Variants in SLITRK5 observed in about 807,000 individuals in gnomAD.
SLITRK5 encodes the protein SLIT and NTRK like family member 5, also known as SLIT and NTRK-like protein 5.
Under a neutral mutation model 56.2 loss-of-function variants are expected in SLITRK5, and 23 were observed. The ratio of observed to expected loss-of-function variants is 0.41; its 90% CI spans 0.29 to 0.58. The LOEUF (loss-of-function observed/expected upper bound fraction) is 0.58. SLITRK5 is among the 20% of genes least tolerant of loss of function. The probability of loss-of-function intolerance (pLI) is 0.30; values close to 1 mark genes in which losing one functional copy is unlikely to be tolerated. For synonymous variants in SLITRK5, 637 were observed against 531.8 expected (o/e 1.20, Z -2.72); for missense variants, 1,289 against 1,226.6 (o/e 1.05, Z -0.76).
chr13:87,679,177 C>T lies in SLITRK5; in HGVS notation c.*912C>T, dbSNP rs993303608. 2 of 166,908 alleles carry T rather than the reference C, an allele frequency of 1.2e-5. No individual in the cohort carries two copies. The highest frequency in any genetic ancestry group is 2.9e-5 in the Non-Finnish European group (2 of 68,106). The allele number at this position is 166,908 out of a possible 1,614,324, so 10.3% of individuals were successfully genotyped here. ...AATCTTTAAAAGCCAATGCAACCCACCCAATTGAATCTGCATTTTCTTTTA... is the reference window on the plus strand; with the variant it reads ...AATCTTTAAAAGCCAATGCAACCCATCCAATTGAATCTGCATTTTCTTTTA... On this transcript the variant is annotated 3_prime_UTR_variant, in exon 2 of 2. Transcript: ENST00000683689.
At chr13:87,673,960 T>C (rs1877156870) in intron 1 of SLITRK5, among the ~76,000 whole-genome samples, 1 of 151,738 alleles carries the variant, frequency 6.6e-6, no homozygotes, top group African/African-American at 2.4e-5. Context: ...CTATCAAATG[T>C]CCTCCACCCC....
chr13:87,676,481 C>G lies in SLITRK5; in HGVS notation c.1093C>G (p.Gln365Glu). 6.2e-7 allele frequency: 1 copy of G among 1,614,102 alleles called. No homozygotes were observed. The highest frequency in any genetic ancestry group is 1.7e-5 in the Admixed American group (1 of 60,020). Residue 365 changes from glutamine to glutamate, a missense_variant, in exon 2 of 2, where the codon CAG becomes GAG. Around this residue, in one of 3 missense-constraint regions of SLITRK5, gnomAD observed 985 missense variants for 906.0 expected, o/e 1.09. Coordinates refer to ENST00000683689, the MANE Select transcript of SLITRK5 (RefSeq NM_001384609.1). ...CAACTATGGCCCCAGCATCGCCTAT[C>G]AGACCAAATCCCCGGTGCCTTTGGA... ...YSNYGPSIAY[Q>E]TKSPVPLECP...
chr13:87,675,308 G>A (rs1877223054), intron 1 of SLITRK5, 73 bp from the exon 2 acceptor site: 1 of 1,064,556 alleles, frequency 9.4e-7, no homozygotes, highest in Non-Finnish European at 1.4e-6. Flanking sequence ...TTAAGAAAGA[G>A]AGAGACTTTC....
In SLITRK5 at chr13:87,678,214, G is replaced by T. The variant is rs747858545; in HGVS notation, c.2826G>T (p.Glu942Asp). Residue 942 changes from glutamate to aspartate, a missense_variant, in exon 2 of 2, where the codon GAG becomes GAT. By Grantham distance (45) the Glu-to-Asp change is conservative. Coordinates refer to ENST00000683689, the MANE Select transcript of SLITRK5 (RefSeq NM_001384609.1). Reference sequence around the variant, plus strand: ...AGTTAAAAGCAAAACTAAACGTTGAGCCGGACTACCTCGAAGTGCTGGAAA... The same window carrying T: ...AGTTAAAAGCAAAACTAAACGTTGATCCGGACTACCTCGAAGTGCTGGAAA... ...YLELKAKLNV[E>D]PDYLEVLEKQ... 12 of 1,614,154 alleles carry T rather than the reference G, an allele frequency of 7.4e-6. No individual in the cohort carries two copies. The South Asian group carries it at 1.3e-4, about 18-fold the overall frequency.
chr13:87,676,270 G>A lies in SLITRK5; in HGVS notation c.882G>A (p.Met294Ile). 6.2e-7 allele frequency: 1 copy of A among 1,614,128 alleles called. No homozygotes were observed. The highest frequency in any genetic ancestry group is 8.5e-7 in the Non-Finnish European group (1 of 1,180,026). Residue 294 changes from methionine to isoleucine, a missense_variant, in exon 2 of 2, where the codon ATG becomes ATA. Coordinates refer to ENST00000683689, the MANE Select transcript of SLITRK5 (RefSeq NM_001384609.1). ...CPRRLISDYE[M>I]RPQTPLSTTG... ...GGAGACTTATTTCTGACTACGAGAT[G>A]AGGCCGCAGACGCCTTTGAGCACCA... is the stretch of plus-strand genomic sequence containing the variant.
chr13:87,677,004 A>G lies in SLITRK5; in HGVS notation c.1616A>G (p.His539Arg). ...CTCAGGCTAAACCTGAGGAGTAACC[A>G]CTTCACCTCCTTGCCAGTGAGTGGA... ...TLLRLNLRSN[H>R]FTSLPVSGVL... The change falls in exon 2 of 2, where the codon CAC becomes CGC. Residue 539 changes from histidine to arginine, a missense_variant. Transcript: ENST00000683689. This position sits in a 1 kb window ranked among gnomAD's most constrained non-coding sequence, Gnocchi z 4.7. The G allele has an allele frequency of 6.2e-7, 1 of 1,613,800 alleles. No homozygotes were observed. Among genetic ancestry groups the G allele is most frequent in the Non-Finnish European group, 8.5e-7 (1 of 1,179,948 alleles).
Position 87,677,803 on chromosome 13 carries a change from ACAGCAGCAGCCCCCGCCG to A in SLITRK5, c.2420_2437del (p.Gln807_Gln812del), listed in dbSNP as rs1877359884. The A allele has an allele frequency of 4.3e-6, 7 of 1,609,382 alleles. No individual in the cohort carries two copies. In the East Asian group the frequency reaches 1.6e-4, roughly 36 times the overall value. On this transcript the variant is annotated inframe_deletion, in exon 2 of 2. Transcript: ENST00000683689. The surrounding 1 kb of genome is among the most constrained non-coding windows in gnomAD (Gnocchi z 4.7). ...AGCCGCCGCCGCCACCGCAGCAGCC[ACAGCAGCAGCCCCCGCCG>A]CAGCTGCAGCTGCAGCCCGGGGAGG...
Position 87,676,594 on chromosome 13 carries a change from T to A in SLITRK5, c.1206T>A (p.Ala402=). The change falls in exon 2 of 2, where the codon GCT becomes GCA. Residue 402 remains alanine, a synonymous_variant. Coordinates refer to ENST00000683689, the MANE Select transcript of SLITRK5 (RefSeq NM_001384609.1). ...AGGAGCGAAAGATCGAGAGCATCGC[T>A]GAACTGCAGCCCAAGCCCTACAATC... is the stretch of plus-strand genomic sequence containing the variant. ...NCQERKIESI[A]ELQPKPYNPK... is the part of the protein sequence containing the mutation. The A allele has an allele frequency of 6.2e-7, 1 of 1,614,092 alleles. No individual in the cohort carries two copies. The highest frequency in any genetic ancestry group is 2.2e-5 in the East Asian group (1 of 44,860).
chr13:87,674,856 G>A (rs1176239701), intron 1 of SLITRK5, among the ~76,000 whole-genome samples: 3 of 149,022 alleles, frequency 2.0e-5, no homozygotes, highest in African/African-American at 4.9e-5. Flanking sequence ...CATTTCTAGC[G>A]ATGGTTTAAA....
chr13:87,673,347 A>C, intron 1 of SLITRK5: 1 of 344,534 alleles, frequency 2.9e-6, no homozygotes, highest in Non-Finnish European at 5.7e-6. Flanking sequence ...AGCAAGGAGG[A>C]GGGGGAAGGG....
chr13:87,673,596 G>A (rs1448824053), intron 1 of SLITRK5: 2 of 1,092,780 alleles, frequency 1.8e-6, no homozygotes, highest in Non-Finnish European at 2.5e-6. Flanking sequence ...GCTTTCACTG[G>A]GGTGGGGATG....
intron 1 of SLITRK5, among the ~76,000 whole-genome samples, chr13:87,673,055 T>TGTGC (rs1877112062): frequency 6.6e-6 from 1 of 151,724 alleles, no homozygotes; most frequent in Admixed American, 6.6e-5. Context: ...CTTGAGCAGC[T>TGTGC]GTGCCCGGAG....
In SLITRK5 at chr13:87,675,752, A is replaced by C; in HGVS notation, c.364A>C (p.Thr122Pro). The change falls in exon 2 of 2, where the codon ACC becomes CCC. Residue 122 changes from threonine to proline, a missense_variant. By Grantham distance (38) the Thr-to-Pro change is conservative. Coordinates refer to ENST00000683689, the MANE Select transcript of SLITRK5 (RefSeq NM_001384609.1). ...TAGCAATGTTATCCAGGACATTGAG[A>C]CCGGGGCTTTCCATGGGCTACGGGG... ...LGSNVIQDIE[T>P]GAFHGLRGLR... The C allele has an allele frequency of 6.2e-7, 1 of 1,614,132 alleles. No individual in the cohort carries two copies. The highest frequency in any genetic ancestry group is 8.5e-7 in the Non-Finnish European group (1 of 1,180,026).
At chr13:87,675,304 AAG>A (rs1343292183) in intron 1 of SLITRK5, 75 bp from the exon 2 acceptor site, 14 of 1,034,410 alleles carry the variant, frequency 1.4e-5, no homozygotes, top group African/African-American at 4.8e-5. Flanking sequence ...AATGTTAAGA[AAG>A]AGAGAGACTT....
In SLITRK5 at chr13:87,677,515, C is replaced by A; in HGVS notation, c.2127C>A (p.Ser709=). 1 of 1,612,120 alleles carries A rather than the reference C, an allele frequency of 6.2e-7. No homozygotes were observed. The highest frequency in any genetic ancestry group is 8.5e-7 in the Non-Finnish European group (1 of 1,179,796). Residue 709 remains serine, a synonymous_variant, in exon 2 of 2, where the codon TCC becomes TCA. Transcript: ENST00000683689. The surrounding 1 kb of genome is among the most constrained non-coding windows in gnomAD (Gnocchi z 4.7). ...HTSTNNSDVS[S]FNMQYSVYGG... is the part of the protein sequence containing the mutation. ...GCACCAACAACTCCGACGTGAGCTC[C>A]TTTAACATGCAGTACAGCGTGTACG...
intron 1 of SLITRK5, among the ~76,000 whole-genome samples, chr13:87,672,998 G>A (rs1593970225): frequency 1.3e-5 from 2 of 151,156 alleles, no homozygotes; most frequent in Admixed American, 6.6e-5. Context: ...GTGGGGGAGG[G>A]GGAGCCTCGC....
At position 87,677,824 on chromosome 13, in the gene SLITRK5, G is replaced by A. The variant is rs1877361857; in HGVS notation, c.2436G>A (p.Gln812=). Residue 812 remains glutamine, a synonymous_variant, in exon 2 of 2, where the codon CAG becomes CAA. Transcript: ENST00000683689. The surrounding 1 kb of genome is among the most constrained non-coding windows in gnomAD (Gnocchi z 4.7). ...AGCCACAGCAGCAGCCCCCGCCGCA[G>A]CTGCAGCTGCAGCCCGGGGAGGAGG... The part of the protein sequence containing the change: ...PQQPQQQPPP[Q]LQLQPGEEER... 3 of 1,611,440 alleles carry A rather than the reference G, an allele frequency of 1.9e-6. No individual in the cohort carries two copies. The highest frequency in any genetic ancestry group is 2.5e-6 in the Non-Finnish European group (3 of 1,178,696).
At chr13:87,673,918 G>GA (rs776604971) in intron 1 of SLITRK5, among the ~76,000 whole-genome samples, 9 of 152,030 alleles carry the variant, frequency 5.9e-5, no homozygotes, top group Non-Finnish European at 1.2e-4. Context: ...GTTGACCAGA[G>GA]AAAAGGCATA....
rs61736747 is a variant in SLITRK5, at chr13:87,677,365, G to T, written c.1977G>T (p.Ser659=). The change falls in exon 2 of 2, where the codon TCG becomes TCT. Residue 659 remains serine (S), a synonymous_variant. Coordinates refer to ENST00000683689, the MANE Select transcript of SLITRK5 (RefSeq NM_001384609.1). The surrounding 1 kb of genome is among the most constrained non-coding windows in gnomAD (Gnocchi z 4.7). The stretch of plus-strand genomic sequence containing the variant: ...GCTTGGGCGCAGGCGGAGGGGCGTC[G>T]TCGGTGCCCTTGTCTGTGTTAATTC... The part of the protein sequence containing the change: ...PASLGAGGGA[S]SVPLSVLILS... 38 of 1,614,042 alleles carry T rather than the reference G, an allele frequency of 2.4e-5. No individual in the cohort carries two copies. Among genetic ancestry groups the T allele is most frequent in the Non-Finnish European group, 2.8e-5 (33 of 1,180,002 alleles).
Sources: gnomAD v4.1 joint callset for allele counts (sites outside exome capture counted in the v4.1 genomes callset) on GRCh38, gnomAD v4.1.1 for gene constraint, gnomAD v4.1.1 regional missense constraint, Gnocchi (gnomAD v3.1) non-coding constraint, MANE v1.5 for transcripts, NCBI Gene and HGNC (gene_info 2026-07-23, HGNC 2026-07-21) for gene names.